Variants in MYH9 observed in about 807,000 individuals in gnomAD.
MYH9 encodes the protein myosin-9.
MYH9 carries 29 observed loss-of-function variants against 241.9 expected under a neutral mutation model. The ratio of observed to expected loss-of-function variants is 0.12; its 90% CI spans 0.09 to 0.16. MYH9 has a LOEUF of 0.16. Among genes scored for constraint, MYH9 ranks in the 10% least tolerant of loss-of-function variants. The pLI is 1.00. For missense variants in MYH9, 1,803 were observed against 2,595.5 expected (o/e 0.69, Z 6.63); for synonymous variants, 1,047 against 1,062.6 (o/e 0.99, Z 0.29).
chr22:36,380,796 G>A (rs2018245949), intron 1 of MYH9, among the ~76,000 whole-genome samples: 1 of 152,138 alleles, frequency 6.6e-6, no homozygotes, highest in East Asian at 1.9e-4. Context: ...GTGAGGGCCT[G>A]GGTTGGGCTT....
rs568919566 is a variant in MYH9, at chr22:36,349,184, T to C, written c.53A>G (p.Asn18Ser). The change falls in exon 2 of 41, where the codon AAC becomes AGC. Residue 18 changes from asparagine to serine, a missense_variant. By Grantham distance (46) the Asn-to-Ser change is conservative. Transcript: ENST00000216181. ...KYLYVDKNFI[N>S]NPLAQADWAA... ...CCAGTCGGCCTGGGCCAGCGGATTGTTGATGAAGTTTTTATCCACATAGAG... is the reference window on the plus strand; with the variant it reads ...CCAGTCGGCCTGGGCCAGCGGATTGCTGATGAAGTTTTTATCCACATAGAG... The C allele has an allele frequency of 5.0e-6, 8 of 1,614,236 alleles. No individual in the cohort carries two copies. In the African/African-American group the frequency reaches 6.7e-5, roughly 13 times the overall value.
intron 15 of MYH9, among the ~76,000 whole-genome samples, chr22:36,309,046 C>T (rs2017017318): frequency 6.6e-6 from 1 of 152,208 alleles, no homozygotes; most frequent in African/African-American, 2.4e-5. Context: ...GACTTTCCCA[C>T]ACACGGAAAG....
At chr22:36,319,413 G>C (rs9622381) in intron 10 of MYH9, 127 bp downstream of exon 10, 1 of 908,050 alleles carries the variant, frequency 1.1e-6, no homozygotes, top group African/African-American at 1.6e-5. Context: ...CATCTGTATA[G>C]AAAATACCGA....
chr22:36,358,018 C>T (rs374823085), intron 1 of MYH9, among the ~76,000 whole-genome samples: 2 of 152,164 alleles, frequency 1.3e-5, no homozygotes, highest in Non-Finnish European at 2.9e-5. Context: ...AGATGATTAA[C>T]GGAAGACAAG....
In MYH9 at chr22:36,293,372, G is replaced by T; in HGVS notation, c.4052C>A (p.Ala1351Asp). 2 of 1,613,828 alleles carry T rather than the reference G, an allele frequency of 1.2e-6. No homozygotes were observed. Residue 1351 changes from alanine to aspartate, a missense_variant, in exon 30 of 41, where the codon GCC (alanine) becomes GAC (aspartate). Ala to Asp is a moderately radical substitution (Grantham distance 126). This residue lies in a region of MYH9 where 876 missense variants were observed against 1,077.8 expected (regional missense o/e 0.81). Transcript: ENST00000216181. This position sits in a 1 kb window ranked among gnomAD's most constrained non-coding sequence, Gnocchi z 5.1. Reference protein sequence around the residue: ...FREQLEEEEEAKHNLEKQIAT... With the variant: ...FREQLEEEEEDKHNLEKQIAT... ...GATCTGCTTCTCCAGGTTGTGCTTG[G>T]CCTCCTCCTCCTCCTCCAGCTGCTC... is the stretch of plus-strand genomic sequence containing the variant.
Position 36,320,154 on chromosome 22 carries a change from C to A in MYH9, c.1012+66G>T, listed in dbSNP as rs1212158976. 1.3e-6 allele frequency: 2 copies of A among 1,553,224 alleles called. No homozygotes were observed. Among genetic ancestry groups the A allele is most frequent in the Non-Finnish European group, 1.7e-6 (2 of 1,149,832 alleles). ...CCCAGGCCCATCGGCTACCCTGATG[C>A]CCCGAGGCCGTGGGTACCAGCCTTC... On this transcript the variant is annotated intron_variant, in intron 9 of 40. Transcript: ENST00000216181. This position sits in a 1 kb window ranked among gnomAD's most constrained non-coding sequence, Gnocchi z 4.8.
rs978533429 is a variant in MYH9, at chr22:36,319,774, G to A, written c.1013-139C>T. ...CCCAACTCCCTGGGGCCACAGGGGC[G>A]CCAGGTCTGCGTCTAACGGTGTGCG... On this transcript the variant is annotated intron_variant, in intron 9 of 40. Transcript: ENST00000216181. 135 of 852,946 alleles carry A rather than the reference G, an allele frequency of 1.6e-4. No homozygotes were observed. In the East Asian group the frequency reaches 2.6e-3, roughly 16 times the overall value. 52.8% of individuals were successfully genotyped at this position (852,946 alleles called of 1,614,324 possible). A position where few individuals can be genotyped will look rare whatever the true frequency, so the allele number is the denominator to read the frequency against.
At chr22:36,341,984 C>T (rs1230965529) in intron 2 of MYH9, among the ~76,000 whole-genome samples, 2 of 152,234 alleles carry the variant, frequency 1.3e-5, no homozygotes, top group East Asian at 1.9e-4. Flanking sequence ...GATAGTGAAG[C>T]TTACACCTTT....
Position 36,294,929 on chromosome 22 carries a change from C to T in MYH9, c.3630+3G>A, listed in dbSNP as rs750335338. ...CCCCTGCGGTCTCAGGGAGGCTCCGCACCCGCTTCGTCTGCTCCAGCTGCT... is the reference window on the plus strand; with the variant it reads ...CCCCTGCGGTCTCAGGGAGGCTCCGTACCCGCTTCGTCTGCTCCAGCTGCT... On this transcript the variant is annotated splice_donor_region_variant and intron_variant, in intron 27 of 40. Coordinates refer to ENST00000216181, the MANE Select transcript of MYH9 (RefSeq NM_002473.6). The T allele has an allele frequency of 6.2e-7, 1 of 1,612,618 alleles. No homozygotes were observed. Among genetic ancestry groups the T allele is most frequent in the Admixed American group, 1.7e-5 (1 of 60,032 alleles).
chr22:36,318,162 A>T (rs927863138), intron 11 of MYH9, 45 bp downstream of exon 11: 17 of 1,542,704 alleles, frequency 1.1e-5, no homozygotes, highest in Non-Finnish European at 1.5e-5. Context: ...CTGCAGGGAC[A>T]TTCACCCAGG....
Position 36,284,160 on chromosome 22 carries a change from G to A in MYH9, c.5698C>T (p.Leu1900=). The change falls in exon 40 of 41, where the codon CTG becomes TTG. Residue 1900 remains leucine, a synonymous_variant. Transcript: ENST00000216181. The stretch of plus-strand genomic sequence containing the variant: ...TCGGCCGTCTCAGTGGCGTCCTCCA[G>A]CTCGCGCTGCAGTTTCCGGCGGGAG... ...NASRRKLQRE[L]EDATETADAM... The A allele has an allele frequency of 2.5e-6, 4 of 1,614,156 alleles. No homozygotes were observed. The highest frequency in any genetic ancestry group is 3.4e-6 in the Non-Finnish European group (4 of 1,180,014).
At position 36,319,643 on chromosome 22, in the gene MYH9, T is replaced by C; in HGVS notation, c.1013-8A>G. ...AGATGACCCGCAGCAGGCCTTTGGG[T>C]GCAATCAGAGGCAGCTCAGAAGCAG... On this transcript the variant is annotated splice_region_variant and splice_polypyrimidine_tract_variant and intron_variant, in intron 9 of 40. Transcript: ENST00000216181. The C allele has an allele frequency of 6.2e-7, 1 of 1,613,814 alleles. No individual in the cohort carries two copies. Among genetic ancestry groups the C allele is most frequent in the Non-Finnish European group, 8.5e-7 (1 of 1,179,896 alleles).
In MYH9 at chr22:36,294,303, C is replaced by T; in HGVS notation, c.3631-5G>A. 1 of 1,613,426 alleles carries T rather than the reference C, an allele frequency of 6.2e-7. No homozygotes were observed. Among genetic ancestry groups the T allele is most frequent in the Non-Finnish European group, 8.5e-7 (1 of 1,180,016 alleles). On this transcript the variant is annotated splice_polypyrimidine_tract_variant and splice_region_variant and intron_variant, in intron 27 of 40. Coordinates refer to ENST00000216181, the MANE Select transcript of MYH9 (RefSeq NM_002473.6). ...CTTCTCGAGGTTTGCTTTCACCTAG[C>T]AGGGAAGAAAGCAAAGACGTGAGTG...
At chr22:36,377,121 T>G (rs1364927260) in intron 1 of MYH9, among the ~76,000 whole-genome samples, 1 of 150,196 alleles carries the variant, frequency 6.7e-6, no homozygotes, top group Non-Finnish European at 1.5e-5. Context: ...CAATAAGGAC[T>G]AGGAGCTGAC....
chr22:36,370,377 T>C (rs180899824), intron 1 of MYH9, among the ~76,000 whole-genome samples: 1 of 152,306 alleles, frequency 6.6e-6, no homozygotes, highest in East Asian at 1.9e-4. Context: ...TCCTCACCTG[T>C]TTCTCAAGCA....
At chr22:36,381,864 C>T (rs890793381) in intron 1 of MYH9, among the ~76,000 whole-genome samples, 1 of 152,112 alleles carries the variant, frequency 6.6e-6, no homozygotes, top group Non-Finnish European at 1.5e-5. Flanking sequence ...ATGTCAATGC[C>T]GCAATGAAGA....
At chr22:36,319,976 G>A (rs1029042824) in intron 9 of MYH9, 2 of 620,848 alleles carry the variant, frequency 3.2e-6, no homozygotes, top group Admixed American at 2.8e-5. Flanking sequence ...CTGTGCAGTG[G>A]ACCCGAGTCC....
intron 12 of MYH9, among the ~76,000 whole-genome samples, chr22:36,315,054 G>A (rs907864952): frequency 6.6e-6 from 1 of 152,162 alleles, no homozygotes; most frequent in African/African-American, 2.4e-5. Context: ...AAAGTGCTGG[G>A]ATTACAGGAG....
intron 3 of MYH9, among the ~76,000 whole-genome samples, chr22:36,339,537 A>C (rs1246017766): frequency 6.6e-6 from 1 of 152,196 alleles, no homozygotes; most frequent in Non-Finnish European, 1.5e-5. Context: ...ACTCGGCCAA[A>C]CTTGAGCATC....
Sources: gnomAD v4.1 joint callset for allele counts (sites outside exome capture counted in the v4.1 genomes callset) on GRCh38, gnomAD v4.1.1 for gene constraint, gnomAD v4.1.1 regional missense constraint, Gnocchi (gnomAD v3.1) non-coding constraint, MANE v1.5 for transcripts, NCBI Gene and HGNC (gene_info 2026-07-23, HGNC 2026-07-21) for gene names.